The following BPI variants were observed in gnomAD, a reference collection of about 807,000 sequenced individuals.
The protein encoded by BPI is bactericidal permeability-increasing protein.
A neutral mutation model predicts 57.6 loss-of-function variants in BPI; 48 were observed. The ratio of observed to expected loss-of-function variants is 0.83; its 90% confidence interval spans 0.66 to 1.06. The LOEUF (loss-of-function observed/expected upper bound fraction) is 1.06. Ranked by LOEUF, BPI falls within the 50% of genes least tolerant of loss-of-function variation. BPI has a pLI of 0.00. For synonymous variants in BPI, 237 were observed against 238.2 expected (o/e 0.99, Z 0.05); for missense variants, 651 against 609.7 (o/e 1.07, Z -0.71).
chr20:38,333,080 C>T (rs563847573), intron 12 of BPI, among the ~76,000 whole-genome samples: 2 of 152,218 alleles, frequency 1.3e-5, no homozygotes, highest in East Asian at 3.9e-4. Context: ...CATACCGTCC[C>T]AGTGTCCCCT....
intron 6 of BPI, 51 bp downstream of exon 6, chr20:38,318,527 G>A: frequency 1.9e-6 from 3 of 1,584,388 alleles, no homozygotes; most frequent in Non-Finnish European, 2.6e-6. Context: ...ATGGGAGGGG[G>A]TGAGGACGTC....
intron 5 of BPI, chr20:38,317,680 A>G (rs1437602471): frequency 2.5e-6 from 2 of 814,816 alleles, no homozygotes; most frequent in Non-Finnish European, 2.1e-6. Flanking sequence ...CACAGACTCC[A>G]TCTCTTGGTG....
intron 12 of BPI, among the ~76,000 whole-genome samples, chr20:38,332,196 T>A (rs1052868679): frequency 6.6e-6 from 1 of 151,964 alleles, no homozygotes; most frequent in African/African-American, 2.4e-5. Flanking sequence ...GAGGGGAGAT[T>A]GTTGTGTTGC....
intron 11 of BPI, among the ~76,000 whole-genome samples, chr20:38,330,418 G>T (rs2076736604): frequency 6.6e-6 from 1 of 152,198 alleles, no homozygotes; most frequent in Non-Finnish European, 1.5e-5. Context: ...CTAATGAATG[G>T]TTGGGGTTCA....
intron 11 of BPI, among the ~76,000 whole-genome samples, chr20:38,327,871 A>G (rs2122552803): frequency 6.6e-6 from 1 of 152,332 alleles, no homozygotes; most frequent in Non-Finnish European, 1.5e-5. Flanking sequence ...GAGGTCACAC[A>G]TTGTAGGTGA....
chr20:38,323,463 A>G (rs951954270), intron 7 of BPI, among the ~76,000 whole-genome samples: 1 of 152,236 alleles, frequency 6.6e-6, no homozygotes, highest in Admixed American at 6.5e-5. Context: ...CGAAACAAAC[A>G]GGATTTCACT....
intron 3 of BPI, among the ~76,000 whole-genome samples, chr20:38,309,467 G>C (rs1389219891): frequency 6.6e-6 from 1 of 152,180 alleles, no homozygotes; most frequent in Non-Finnish European, 1.5e-5. Context: ...AGGAGGCTTG[G>C]CTCCACCTGT....
chr20:38,337,245 G>A lies in BPI; in HGVS notation c.*61G>A, dbSNP rs371835486. 97 of 1,444,328 alleles carry A rather than the reference G, an allele frequency of 6.7e-5. No homozygotes were observed. Among genetic ancestry groups the A allele is most frequent in the African/African-American group, 2.1e-4 (14 of 67,756 alleles). 89.5% of individuals were successfully genotyped at this position (1,444,328 alleles called of 1,614,324 possible). ...TGTTCCTGATGGGCTGTGGGGCACC[G>A]GCTGCCTTTCCCCAGGGAATCCTCT... On this transcript the variant is annotated 3_prime_UTR_variant, in exon 15 of 15. Transcript: ENST00000642449.
Position 38,323,859 on chromosome 20 carries a change from T to C in BPI, c.757-11T>C. 6.2e-7 allele frequency: 1 copy of C among 1,613,334 alleles called. No homozygotes were observed. The highest frequency in any genetic ancestry group is 8.5e-7 in the Non-Finnish European group (1 of 1,179,594). On this transcript the variant is annotated splice_polypyrimidine_tract_variant and intron_variant, in intron 7 of 14. Coordinates refer to ENST00000642449, the MANE Select transcript of BPI (RefSeq NM_001725.3). Reference sequence around the variant, plus strand: ...GAATATCTGGGCTCACTCTGTTGCCTCTACCCCCAGGGGGAGTTTTACAGT... The same window carrying C: ...GAATATCTGGGCTCACTCTGTTGCCCCTACCCCCAGGGGGAGTTTTACAGT...
At chr20:38,312,187 C>T (rs2076625289) in intron 5 of BPI, among the ~76,000 whole-genome samples, 1 of 152,188 alleles carries the variant, frequency 6.6e-6, no homozygotes, top group African/African-American at 2.4e-5. Context: ...TGGGCCACCT[C>T]TGCTTTTCCC....
intron 4 of BPI, 110 bp downstream of exon 4, chr20:38,310,762 G>A: frequency 7.1e-7 from 1 of 1,411,124 alleles, no homozygotes; most frequent in Non-Finnish European, 9.7e-7. Flanking sequence ...GCCAGGCCTT[G>A]CTCAGAGGCC....
At chr20:38,317,849 G>A in intron 5 of BPI, 2 of 1,491,734 alleles carry the variant, frequency 1.3e-6, no homozygotes, top group Non-Finnish European at 8.9e-7. Flanking sequence ...TCTCAGGCTA[G>A]TGTTTGTTCC....
chr20:38,315,837 T>C (rs1265586170), intron 5 of BPI, among the ~76,000 whole-genome samples: 3 of 59,402 alleles, frequency 5.1e-5, no homozygotes, highest in Non-Finnish European at 1.1e-4. Context: ...TTTCTTTTCT[T>C]TTTTTTTTTT....
At chr20:38,312,689 G>C (rs922784478) in intron 5 of BPI, among the ~76,000 whole-genome samples, 3 of 152,176 alleles carry the variant, frequency 2.0e-5, no homozygotes, top group Non-Finnish European at 4.4e-5. Flanking sequence ...CCAGGAGTAG[G>C]AGCAAGGAGA....
intron 12 of BPI, among the ~76,000 whole-genome samples, 164 bp from the exon 13 acceptor site, chr20:38,334,266 T>A (rs952930004): frequency 3.3e-5 from 5 of 152,124 alleles, no homozygotes; most frequent in Admixed American, 6.5e-5. Context: ...CTGCCAAGTA[T>A]TCACATATCA....
Position 38,323,999 on chromosome 20 carries a change from G to A in BPI, c.886G>A (p.Val296Ile). The A allele has an allele frequency of 6.2e-7, 1 of 1,614,152 alleles. No homozygotes were observed. Residue 296 changes from valine (V) to isoleucine (I), a missense_variant, in exon 8 of 15, where the codon GTA becomes ATA. Coordinates refer to ENST00000642449, the MANE Select transcript of BPI (RefSeq NM_001725.3). ...SDYFFNTAGLVYQEAGVLKMT... is the reference protein window; with the variant it reads ...SDYFFNTAGLIYQEAGVLKMT... ...CTACTTCTTCAACACAGCCGGGCTT[G>A]TATACCAAGAGGCTGGGGTCTTGAA...
At chr20:38,330,922 G>A in intron 11 of BPI, 126 bp from the exon 12 acceptor site, 1 of 1,066,146 alleles carries the variant, frequency 9.4e-7, no homozygotes, top group South Asian at 1.4e-5. Context: ...ACCCGTGGAA[G>A]GGGAGTGGAT....
intron 12 of BPI, among the ~76,000 whole-genome samples, chr20:38,334,199 T>G (rs946669799): frequency 1.3e-5 from 2 of 152,226 alleles, no homozygotes; most frequent in African/African-American, 4.8e-5. Flanking sequence ...ATTGAGAACA[T>G]GCTTTACATC....
At chr20:38,321,588 G>A (rs570205442) in intron 7 of BPI, 1 of 152,250 alleles carries the variant, frequency 6.6e-6, no homozygotes, top group East Asian at 1.9e-4. Context: ...ATCCTGGATT[G>A]TGCCTCCTTC....
Sources: gnomAD v4.1 joint callset for allele counts (sites outside exome capture counted in the v4.1 genomes callset) on GRCh38, gnomAD v4.1.1 for gene constraint, MANE v1.5 for transcripts, NCBI Gene and HGNC (gene_info 2026-07-23, HGNC 2026-07-21) for gene names.